Variants in C2orf66 observed in about 807,000 individuals in gnomAD.
C2orf66 encodes chromosome 2 open reading frame 66, also known as uncharacterized protein C2orf66.
Under a neutral mutation model 7.0 loss-of-function variants are expected in C2orf66, and 6 were observed. That is an observed-to-expected ratio of 0.86 (90% CI 0.47 to 1.69). C2orf66 has a LOEUF of 1.69. C2orf66 is among the 40% of genes most tolerant of loss of function. The pLI is 0.01. For missense variants in C2orf66, 107 were observed against 112.0 expected (o/e 0.96, Z 0.20); for synonymous variants, 38 against 43.8 (o/e 0.87, Z 0.52).
At chr2:196,807,670 A>G in intron 1 of C2orf66, 48 bp from the exon 2 acceptor site, 1 of 1,459,404 alleles carries the variant, frequency 6.9e-7, no homozygotes, top group Non-Finnish European at 9.4e-7. Flanking sequence ...ATGAAACACC[A>G]AAAATAAAGG....
At chr2:196,825,699 A>T in the C2orf66 span, among the ~76,000 whole-genome samples, 1 of 152,364 alleles carries the variant, frequency 6.6e-6, no homozygotes, top group Non-Finnish European at 1.5e-5. Flanking sequence ...AAGACAGCAC[A>T]TCGGGATGTA....
chr2:196,810,197 C>G (rs1243541553), upstream of C2orf66: 2 of 152,186 alleles, frequency 1.3e-5, no homozygotes, highest in Non-Finnish European at 2.9e-5. Context: ...CACTTCCACA[C>G]AGCAAAGTGA....
intron 1 of C2orf66, among the ~76,000 whole-genome samples, chr2:196,808,726 A>G (rs1207164621): frequency 6.6e-6 from 1 of 152,134 alleles, no homozygotes; most frequent in African/African-American, 2.4e-5. Context: ...TTTGAATTCT[A>G]TTTTATAGAT....
chr2:196,825,000 G>A, the C2orf66 span, among the ~76,000 whole-genome samples: 3 of 152,142 alleles, frequency 2.0e-5, no homozygotes, highest in Admixed American at 6.5e-5. Context: ...TTGGGAGGCT[G>A]AGGAGGGCGG....
chr2:196,821,235 G>C, the C2orf66 span, among the ~76,000 whole-genome samples: 1 of 152,184 alleles, frequency 6.6e-6, no homozygotes, highest in Non-Finnish European at 1.5e-5. Context: ...ACCCATGCCT[G>C]GATTTTGGCT....
chr2:196,814,371 A>G, the C2orf66 span, among the ~76,000 whole-genome samples: 196 of 152,292 alleles, frequency 1.3e-3, 1 homozygote, highest in Middle Eastern at 3.4e-3. Context: ...GAGTTGAACA[A>G]TGAGAACACA....
the C2orf66 span, among the ~76,000 whole-genome samples, chr2:196,822,197 G>A: frequency 1.3e-5 from 2 of 151,942 alleles, no homozygotes; most frequent in Non-Finnish European, 2.9e-5. Flanking sequence ...ACAGGCATGA[G>A]CCACTGCGCC....
chr2:196,807,522 A>C lies in C2orf66; in HGVS notation c.224T>G (p.Phe75Cys), dbSNP rs771762300. Reference protein sequence around the residue: ...PTNENPRPLSFQSELTASASA... With the variant: ...PTNENPRPLSCQSELTASASA... Reference sequence around the variant, plus strand: ...TGCAGAAGCAGTAAGTTCTGACTGGAAAGAGAGAGGTCTAGGATTTTCATT... The same window carrying C: ...TGCAGAAGCAGTAAGTTCTGACTGGCAAGAGAGAGGTCTAGGATTTTCATT... The change falls in exon 2 of 3, where the codon TTC becomes TGC. Residue 75 changes from phenylalanine to cysteine, a missense_variant. Phe to Cys is a radical substitution (Grantham distance 205, BLOSUM62 -2). Transcript: ENST00000342506. The C allele has an allele frequency of 1.9e-6, 3 of 1,613,716 alleles. No individual in the cohort carries two copies. The East Asian group carries it at 6.7e-5, about 36-fold the overall frequency.
chr2:196,818,986 T>A, the C2orf66 span, among the ~76,000 whole-genome samples: 1 of 152,190 alleles, frequency 6.6e-6, no homozygotes, highest in Non-Finnish European at 1.5e-5. Flanking sequence ...GCTCTCAATA[T>A]GATCCAGTCC....
the C2orf66 span, among the ~76,000 whole-genome samples, chr2:196,819,041 T>C: frequency 1.3e-5 from 2 of 152,222 alleles, no homozygotes; most frequent in African/African-American, 2.4e-5. Context: ...ATTGCACTTA[T>C]GCCTGAGTGC....
At chr2:196,821,928 CTTTTTTTTTT>C in the C2orf66 span, among the ~76,000 whole-genome samples, 31 of 32,268 alleles carry the variant, frequency 9.6e-4, no homozygotes, top group Non-Finnish European at 1.6e-3. Flanking sequence ...AACCAGTGAG[CTTTTTTTTTT>C]TTTTTTTTTT....
rs1699801132 is a variant in C2orf66 at position 196,804,715 on chromosome 2, A to T, written c.*713T>A. ...CTGTTTCTACTTTTCCTTCCTGAGG[A>T]GGTTGTGTATGAGAGCAAGGGCTCG... On this transcript the variant is annotated 3_prime_UTR_variant, in exon 3 of 3. Coordinates refer to ENST00000342506, the MANE Select transcript of C2orf66 (RefSeq NM_213608.3). 6.6e-6 allele frequency among the ~76,000 whole-genome samples: 1 copy of T among 152,174 alleles called. No individual in the cohort carries two copies. The highest frequency in any genetic ancestry group is 6.5e-5 in the Admixed American group (1 of 15,276).
the C2orf66 span, among the ~76,000 whole-genome samples, chr2:196,816,188 C>A: frequency 6.6e-6 from 1 of 152,182 alleles, no homozygotes; most frequent in Non-Finnish European, 1.5e-5. Flanking sequence ...TAGGGGCTCA[C>A]CCCTCATATT....
chr2:196,822,474 T>C, the C2orf66 span, among the ~76,000 whole-genome samples: 1 of 152,244 alleles, frequency 6.6e-6, no homozygotes, highest in Non-Finnish European at 1.5e-5. Context: ...CAGAACTCTG[T>C]TCTTTAAAGA....
upstream of C2orf66, among the ~76,000 whole-genome samples, chr2:196,811,708 C>G (rs1699878997): frequency 2.0e-5 from 3 of 152,094 alleles, no homozygotes; most frequent in South Asian, 6.2e-4. Context: ...ATACACAGAT[C>G]TGGAGCTCAA....
At chr2:196,819,273 C>T in the C2orf66 span, among the ~76,000 whole-genome samples, 3 of 151,984 alleles carry the variant, frequency 2.0e-5, no homozygotes, top group African/African-American at 7.3e-5. Context: ...AAAACCTAAC[C>T]CTAAATGTGA....
At chr2:196,816,714 G>A in the C2orf66 span, among the ~76,000 whole-genome samples, 14 of 152,268 alleles carry the variant, frequency 9.2e-5, no homozygotes, top group South Asian at 2.9e-3. Context: ...GGAAAAAAAT[G>A]TTAGAGGGGT....
chr2:196,831,825 G>A, the C2orf66 span: 12 of 152,182 alleles, frequency 7.9e-5, no homozygotes, highest in Admixed American at 5.2e-4. Flanking sequence ...CCCTTATAAG[G>A]TTATAACCCG....
Position 196,806,686 on chromosome 2 carries a change from T to TAA in C2orf66, c.*19+736_*19+737dup, listed in dbSNP as rs879690476. On this transcript the variant is annotated intron_variant, in intron 2 of 2. Coordinates refer to ENST00000342506, the MANE Select transcript of C2orf66 (RefSeq NM_213608.3). ...CAATATGGTGAAACCCTGTCTCTACTAAAAAAAAAAAATACAAAAATTATC... is the reference window on the plus strand; with the variant it reads ...CAATATGGTGAAACCCTGTCTCTACTAAAAAAAAAAAAAATACAAAAATTATC... 2.8e-5 allele frequency among the ~76,000 whole-genome samples: 4 copies of TAA among 141,860 alleles called. No individual in the cohort carries two copies. In the South Asian group the frequency reaches 6.8e-4, roughly 24 times the overall value. 93.1% of individuals were successfully genotyped at this position (141,860 alleles called of 152,430 possible).
Sources: allele counts gnomAD v4.1 joint callset (sites outside exome capture counted in the v4.1 genomes callset), GRCh38; gene constraint gnomAD v4.1.1; transcripts MANE v1.5; gene names NCBI Gene and HGNC (gene_info 2026-07-23, HGNC 2026-07-21).